Variants in MAP7D1 observed in about 807,000 individuals in gnomAD.
MAP7D1 encodes the protein MAP7 domain-containing protein 1.
Under a neutral mutation model 97.5 loss-of-function variants are expected in MAP7D1, and 30 were observed. The ratio of observed to expected loss-of-function variants is 0.31; its 90% confidence interval spans 0.23 to 0.42. MAP7D1 has a LOEUF of 0.42. Among genes scored for constraint, MAP7D1 ranks in the 10% least tolerant of loss-of-function variants. MAP7D1 has a pLI of 1.00. For missense variants in MAP7D1, 1,184 were observed against 1,179.5 expected, an observed-to-expected ratio of 1.00 and a Z score of -0.06; for synonymous variants, 536 against 477.1, an observed-to-expected ratio of 1.12 and a Z score of -1.61.
At position 36,172,479 on chromosome 1, in the gene MAP7D1, T is replaced by C. The variant is rs1423203134; in HGVS notation, c.476T>C (p.Val159Ala). 2 of 1,586,644 alleles carry C rather than the reference T, an allele frequency of 1.3e-6. No homozygotes were observed. Among genetic ancestry groups the C allele is most frequent in the East Asian group, 2.3e-5 (1 of 44,178 alleles). ...TTGTCCACAGCGGCCAAGAAGGCAG[T>C]GTGGCTGGAGAAGGAGGAGAAGGCC... ...RAKYLAAKKA[V>A]WLEKEEKAKA... The change falls in exon 4 of 17, where the codon GTG (valine) becomes GCG (alanine). Residue 159 changes from valine to alanine, a missense_variant. Val to Ala is a moderately conservative substitution (Grantham distance 64, BLOSUM62 0). Transcript: ENST00000474796.
At chr1:36,179,046 A>G (rs1449254424) in intron 12 of MAP7D1, 21 bp downstream of exon 12, 30 of 437,504 alleles carry the variant, frequency 6.9e-5, no homozygotes, top group Middle Eastern at 5.2e-4. Context: ...CTGGGCGGGG[A>G]TTTGTGGGCG....
chr1:36,175,434 C>T (rs913266671), intron 6 of MAP7D1, among the ~76,000 whole-genome samples: 8 of 152,216 alleles, frequency 5.3e-5, no homozygotes, highest in Admixed American at 3.9e-4. Flanking sequence ...TCTGGCTCCA[C>T]CCTAGAGGGC....
At chr1:36,158,554 G>A (rs1310264230) in intron 1 of MAP7D1, among the ~76,000 whole-genome samples, 2 of 152,204 alleles carry the variant, frequency 1.3e-5, no homozygotes, top group East Asian at 3.8e-4. Context: ...ACTGGCTACT[G>A]GACTGGAGCA....
At chr1:36,160,574 G>C (rs1168135414) in intron 1 of MAP7D1, among the ~76,000 whole-genome samples, 2 of 152,208 alleles carry the variant, frequency 1.3e-5, no homozygotes, top group Non-Finnish European at 2.9e-5. Context: ...TACAGATGAG[G>C]CTCAGAGAGA....
At chr1:36,172,665 G>A in intron 4 of MAP7D1, 38 bp downstream of exon 4, 1 of 1,503,586 alleles carries the variant, frequency 6.7e-7, no homozygotes, top group Non-Finnish European at 9.0e-7. Flanking sequence ...GTACACGTGT[G>A]CTCACCGTCT....
In MAP7D1 at chr1:36,176,454, C is replaced by A. The variant is rs746488259; in HGVS notation, c.1106C>A (p.Pro369His). Residue 369 changes from proline to histidine, a missense_variant, in exon 7 of 17, where the codon CCC (proline) becomes CAC (histidine). Coordinates refer to ENST00000474796, the MANE Select transcript of MAP7D1 (RefSeq NM_001388490.1). This position sits in a 1 kb window ranked among gnomAD's most constrained non-coding sequence, Gnocchi z 6.1. ...PVCPRSASAS[P>H]LTPCSVTRSV... The stretch of plus-strand genomic sequence containing the variant: ...TGCCCGCGCTCGGCCTCCGCCAGCC[C>A]CCTGACGCCGTGCAGCGTCACCCGA... 6.6e-7 allele frequency: 1 copy of A among 1,508,328 alleles called. No homozygotes were observed. Among genetic ancestry groups the A allele is most frequent in the East Asian group, 2.7e-5 (1 of 36,420 alleles). The allele number at this position is 1,508,328 out of a possible 1,614,324, so 93.4% of individuals were successfully genotyped here.
chr1:36,177,807 A>T lies in MAP7D1; in HGVS notation c.1380-66A>T, dbSNP rs139477834. 1,208 of 1,517,774 alleles carry T rather than the reference A, an allele frequency of 8.0e-4. 2 individuals carry two copies. In the African/African-American group the frequency reaches 0.013, roughly 17 times the overall value. The allele number at this position is 1,517,774 out of a possible 1,614,324, so 94.0% of individuals were successfully genotyped here. A position where few individuals can be genotyped will look rare whatever the true frequency, so the allele number is the denominator to read the frequency against. On this transcript the variant is annotated intron_variant, in intron 8 of 16. Transcript: ENST00000474796. ...GGGGGAGGGGGCACCTCCCAGAGGA[A>T]GGAACAAGTTCTCAGCGTGTGGGTG...
chr1:36,170,319 G>A (rs964320090), intron 1 of MAP7D1, among the ~76,000 whole-genome samples: 15 of 152,214 alleles, frequency 9.9e-5, no homozygotes, highest in African/African-American at 2.7e-4. Context: ...TAAAGTGGAC[G>A]TAGCTTGTTG....
At position 36,156,237 on chromosome 1, in the gene MAP7D1, C is replaced by G. The variant is rs1476641603; in HGVS notation, c.-181C>G. On this transcript the variant is annotated 5_prime_UTR_variant, in exon 1 of 17. Coordinates refer to ENST00000474796, the MANE Select transcript of MAP7D1 (RefSeq NM_001388490.1). The stretch of plus-strand genomic sequence containing the variant: ...CCGCAGCCGAGAGACCCCGGGCGAC[C>G]GGCACCTCCGAGACTCGCGGGCCAC... 1 of 451,362 alleles carries G rather than the reference C, an allele frequency of 2.2e-6. No individual in the cohort carries two copies. Among genetic ancestry groups the G allele is most frequent in the Non-Finnish European group, 3.8e-6 (1 of 263,950 alleles). 28.0% of individuals were successfully genotyped at this position (451,362 alleles called of 1,614,324 possible). A position where few individuals can be genotyped will look rare whatever the true frequency, so the allele number is the denominator to read the frequency against.
In MAP7D1 at chr1:36,176,233, C is replaced by T. The variant is rs748268156; in HGVS notation, c.885C>T (p.Ser295=). 2 of 1,608,414 alleles carry T rather than the reference C, an allele frequency of 1.2e-6. No individual in the cohort carries two copies. The highest frequency in any genetic ancestry group is 1.1e-5 in the South Asian group (1 of 90,956). ...TGCAGCTGAGCGCATGGGAGAGCAG[C>T]ATCGTGGATCGTCTGATGACGCCCA... ...RSLQLSAWES[S]IVDRLMTPTL... The change falls in exon 7 of 17, where the codon AGC becomes AGT. Residue 295 remains serine (S), a synonymous_variant. Coordinates refer to ENST00000474796, the MANE Select transcript of MAP7D1 (RefSeq NM_001388490.1). The surrounding 1 kb of genome is among the most constrained non-coding windows in gnomAD (Gnocchi z 6.1).
chr1:36,178,187 C>A lies in MAP7D1; in HGVS notation c.1694C>A (p.Ala565Glu). 6.4e-7 allele frequency: 1 copy of A among 1,570,572 alleles called. No homozygotes were observed. ...CCGCCCCAGAAGGAGCAGCCCCCCGCGGAGACCCCTACAGGTAGGAATGAA... is the reference window on the plus strand; with the variant it reads ...CCGCCCCAGAAGGAGCAGCCCCCCGAGGAGACCCCTACAGGTAGGAATGAA... ...PAPPQKEQPP[A>E]ETPTDAAVLT... Residue 565 changes from alanine to glutamate, a missense_variant, in exon 9 of 17, where the codon GCG (alanine) becomes GAG (glutamate). Ala to Glu is a moderately radical substitution (Grantham distance 107). Coordinates refer to ENST00000474796, the MANE Select transcript of MAP7D1 (RefSeq NM_001388490.1).
intron 1 of MAP7D1, among the ~76,000 whole-genome samples, chr1:36,157,688 T>A (rs1021975684): frequency 3.3e-5 from 5 of 152,036 alleles, no homozygotes; most frequent in Non-Finnish European, 7.4e-5. Context: ...CCCCTTGGGG[T>A]GTGGGCACAG....
Position 36,156,321 on chromosome 1 carries a change from C to A in MAP7D1, c.-97C>A. On this transcript the variant is annotated 5_prime_UTR_variant, in exon 1 of 17. Transcript: ENST00000474796. ...CGAGTCGCTACTTGCCGGGCCGGGC[C>A]GGGCCGGGCGTGATGCGCCGCGGGA... The A allele has an allele frequency of 1.9e-6, 2 of 1,068,810 alleles. No homozygotes were observed. The highest frequency in any genetic ancestry group is 2.2e-5 in the South Asian group (1 of 45,430). The allele number at this position is 1,068,810 out of a possible 1,614,324, so 66.2% of individuals were successfully genotyped here. A position where few individuals can be genotyped will look rare whatever the true frequency, so the allele number is the denominator to read the frequency against.
At chr1:36,163,809 CTTTTTTTCTTTTTTTTTTTTT>C (rs1644441362) in intron 1 of MAP7D1, among the ~76,000 whole-genome samples, 1 of 122,296 alleles carries the variant, frequency 8.2e-6, no homozygotes, top group South Asian at 2.7e-4. Context: ...TAGATATATA[CTTTTTTTCTTTTTTTTTTTTT>C]TTTTTTTTTT....
intron 5 of MAP7D1, 84 bp from the exon 6 acceptor site, chr1:36,174,814 G>A (rs985011653): frequency 2.5e-4 from 116 of 465,302 alleles, no homozygotes; most frequent in Admixed American, 1.6e-3. Flanking sequence ...CCCCGCCCTC[G>A]GAGCATCCTG....
At chr1:36,156,692 C>T (rs975125528) in intron 1 of MAP7D1, among the ~76,000 whole-genome samples, 1 of 151,762 alleles carries the variant, frequency 6.6e-6, no homozygotes, top group African/African-American at 2.4e-5. Flanking sequence ...GCGTCGGGAG[C>T]CGCAGGGACC....
chr1:36,176,583 TGAGTGGCTCTACTGGCTC>T lies in MAP7D1; in HGVS notation c.1233+10_1233+27del, dbSNP rs1202584701. ...CGCCGCCGGCCGGAGGCCTCGCCGG[TGAGTGGCTCTACTGGCTC>T]GAGTGGCCGCGCAGGTGGGGACAGG... On this transcript the variant is annotated splice_donor_5th_base_variant and intron_variant, in intron 7 of 16. Coordinates refer to ENST00000474796, the MANE Select transcript of MAP7D1 (RefSeq NM_001388490.1). This position sits in a 1 kb window ranked among gnomAD's most constrained non-coding sequence, Gnocchi z 6.1. The T allele has an allele frequency of 1.3e-6, 2 of 1,523,390 alleles. No individual in the cohort carries two copies. The highest frequency in any genetic ancestry group is 2.1e-5 in the Admixed American group (1 of 48,502). The allele number at this position is 1,523,390 out of a possible 1,614,324, so 94.4% of individuals were successfully genotyped here.
chr1:36,163,476 G>A (rs1290826501), intron 1 of MAP7D1, among the ~76,000 whole-genome samples: 1 of 152,212 alleles, frequency 6.6e-6, no homozygotes, highest in African/African-American at 2.4e-5. Flanking sequence ...TAACCATACT[G>A]TATAGATAAC....
Position 36,176,647 on chromosome 1 carries a change from C to CGG in MAP7D1, c.1234-48_1234-47dup. 6.3e-7 allele frequency: 1 copy of CGG among 1,589,526 alleles called. No individual in the cohort carries two copies. The highest frequency in any genetic ancestry group is 8.6e-7 in the Non-Finnish European group (1 of 1,164,968). ...ACAGGCAGCCTGGAACTGGGGTACGCGGGCGCTGCTGACCTCTACTCTCCT... is the reference window on the plus strand; with the variant it reads ...ACAGGCAGCCTGGAACTGGGGTACGCGGGGGCGCTGCTGACCTCTACTCTCCT... On this transcript the variant is annotated intron_variant, in intron 7 of 16. Coordinates refer to ENST00000474796, the MANE Select transcript of MAP7D1 (RefSeq NM_001388490.1). The surrounding 1 kb of genome is among the most constrained non-coding windows in gnomAD (Gnocchi z 6.1).
Sources: allele counts gnomAD v4.1 joint callset (sites outside exome capture counted in the v4.1 genomes callset), GRCh38; gene constraint gnomAD v4.1.1; non-coding constraint Gnocchi (gnomAD v3.1); transcripts MANE v1.5; gene names NCBI Gene and HGNC (gene_info 2026-07-23, HGNC 2026-07-21).